The following TOM1 variants were observed in gnomAD, a reference collection of about 807,000 sequenced individuals.
TOM1 encodes target of Myb protein 1.
Under a neutral mutation model 61.3 loss-of-function variants are expected in TOM1, and 38 were observed. The ratio of observed to expected loss-of-function variants is 0.62; its 90% CI spans 0.48 to 0.81. The LOEUF is 0.81. Among genes scored for constraint, TOM1 ranks in the 40% least tolerant of loss-of-function variants. The pLI, the probability that TOM1 is intolerant of heterozygous loss-of-function variation, is 0.00. For missense variants in TOM1, 591 were observed against 659.6 expected, an observed-to-expected ratio of 0.90 and a Z score of 1.14; for synonymous variants, 270 against 268.8, an observed-to-expected ratio of 1.00 and a Z score of -0.04.
Position 35,345,705 on chromosome 22 carries a change from C to T in TOM1, c.1225-20C>T. On this transcript the variant is annotated intron_variant, in intron 12 of 14. Transcript: ENST00000449058. ...CCTTGTCACCTAGGGCACTGCCTTA[C>T]CCTCTGCCCTTCCTTCCAGATCCCA... 1 of 1,613,214 alleles carries T rather than the reference C, an allele frequency of 6.2e-7. No individual in the cohort carries two copies. Among genetic ancestry groups the T allele is most frequent in the Non-Finnish European group, 8.5e-7 (1 of 1,179,200 alleles).
At chr22:35,314,225 C>T (rs1030925668) in intron 1 of TOM1, among the ~76,000 whole-genome samples, 11 of 152,236 alleles carry the variant, frequency 7.2e-5, no homozygotes, top group African/African-American at 2.7e-4. Flanking sequence ...AGATGTCCCA[C>T]AGCCTCCCAA....
At chr22:35,320,896 C>T (rs1311232723) in intron 2 of TOM1, among the ~76,000 whole-genome samples, 2 of 148,662 alleles carry the variant, frequency 1.3e-5, no homozygotes, top group Admixed American at 6.9e-5. Flanking sequence ...GCAGGAGGAT[C>T]ACTTGAGCCC....
intron 1 of TOM1, among the ~76,000 whole-genome samples, chr22:35,314,128 C>G (rs1018606529): frequency 2.6e-5 from 4 of 152,226 alleles, no homozygotes; most frequent in African/African-American, 9.7e-5. Flanking sequence ...AGGAAATCCA[C>G]ATGATTCACC....
chr22:35,317,582 G>C (rs1927404855), intron 1 of TOM1, among the ~76,000 whole-genome samples: 1 of 152,200 alleles, frequency 6.6e-6, no homozygotes, highest in African/African-American at 2.4e-5. Flanking sequence ...TAAGCACACG[G>C]AGGCCCACCT....
At chr22:35,320,290 A>G (rs931750414) in intron 2 of TOM1, among the ~76,000 whole-genome samples, 2 of 152,178 alleles carry the variant, frequency 1.3e-5, no homozygotes, top group African/African-American at 4.8e-5. Context: ...AGGAGCCTTC[A>G]GGGTGCAAGT....
In TOM1 at chr22:35,312,026, G is replaced by C. The variant is rs192897551; in HGVS notation, c.53-5851G>C. ...TCCCAGCACTTTGGGAGGCCGAGGC[G>C]GGTGGATCACAAGGTCAGGAGTTCA... On this transcript the variant is annotated intron_variant, in intron 1 of 14. Coordinates refer to ENST00000449058, the MANE Select transcript of TOM1 (RefSeq NM_005488.3). Among the ~76,000 whole-genome samples, 11 of 152,202 alleles carry C rather than the reference G, an allele frequency of 7.2e-5. No homozygotes were observed. The South Asian group carries it at 1.2e-3, about 17-fold the overall frequency.
At chr22:35,303,643 G>T (rs1488593623) in intron 1 of TOM1, among the ~76,000 whole-genome samples, 1 of 151,610 alleles carries the variant, frequency 6.6e-6, no homozygotes, top group Non-Finnish European at 1.5e-5. Flanking sequence ...GATTAGAGGT[G>T]CACACCACCA....
chr22:35,324,544 G>A (rs2145665510), intron 6 of TOM1, among the ~76,000 whole-genome samples: 1 of 151,942 alleles, frequency 6.6e-6, no homozygotes, highest in African/African-American at 2.4e-5. Flanking sequence ...GTCTCAAGAA[G>A]GTCTGAAGCT....
intron 12 of TOM1, chr22:35,345,451 G>A (rs540472581): frequency 8.1e-5 from 44 of 542,574 alleles, no homozygotes; most frequent in East Asian, 4.3e-4. Flanking sequence ...AGGGTGTGTC[G>A]GAACTGGGGT....
chr22:35,299,766 G>C (rs1925538206), upstream of TOM1: 10 of 751,464 alleles, frequency 1.3e-5, no homozygotes, highest in Non-Finnish European at 2.1e-5. Flanking sequence ...CCTCGGGGGC[G>C]GGACCCTGGC....
upstream of TOM1, chr22:35,299,799 C>T (rs534260501): frequency 1.2e-5 from 13 of 1,050,900 alleles, no homozygotes; most frequent in Non-Finnish European, 1.8e-5. Flanking sequence ...GGCTTGTGGT[C>T]GAGCTTCGCG....
At chr22:35,302,088 G>C (rs935501966) in intron 1 of TOM1, among the ~76,000 whole-genome samples, 7 of 152,112 alleles carry the variant, frequency 4.6e-5, no homozygotes, top group Admixed American at 3.3e-4. Context: ...CCTTTCTTGG[G>C]CAAGAAATAC....
intron 1 of TOM1, among the ~76,000 whole-genome samples, chr22:35,305,658 CAA>C (rs137868113): frequency 0.56 from 72,416 of 130,306 alleles, 20,649 homozygotes; most frequent in Non-Finnish European, 0.67. Flanking sequence ...GACTCAATCT[CAA>C]AAAAAAAAAA....
At chr22:35,314,301 T>A (rs1160298150) in intron 1 of TOM1, among the ~76,000 whole-genome samples, 1 of 152,032 alleles carries the variant, frequency 6.6e-6, no homozygotes, top group East Asian at 1.9e-4. Flanking sequence ...CTCCTCTTCC[T>A]CTCCCCTTTC....
At chr22:35,345,498 T>G (rs1930428243) in intron 12 of TOM1, 1 of 595,454 alleles carries the variant, frequency 1.7e-6, no homozygotes, top group Admixed American at 2.9e-5. Context: ...CTCTGACCCC[T>G]GGCCCTGCTC....
At chr22:35,314,808 C>T (rs571116633) in intron 1 of TOM1, among the ~76,000 whole-genome samples, 1 of 152,238 alleles carries the variant, frequency 6.6e-6, no homozygotes, top group Non-Finnish European at 1.5e-5. Flanking sequence ...TGCGCCACAG[C>T]GTCAGCGGCT....
At chr22:35,332,628 T>C (rs893750894) in intron 8 of TOM1, among the ~76,000 whole-genome samples, 1 of 152,092 alleles carries the variant, frequency 6.6e-6, no homozygotes, top group Non-Finnish European at 1.5e-5. Flanking sequence ...AAATATGTAA[T>C]TGAAACAAGT....
At chr22:35,333,335 A>C in intron 9 of TOM1, 69 bp from the exon 10 acceptor site, 1 of 1,434,374 alleles carries the variant, frequency 7.0e-7, no homozygotes, top group Non-Finnish European at 9.8e-7. Flanking sequence ...TGCAAGCCAC[A>C]GTGCTTGGGG....
At chr22:35,308,214 C>CTGTGTG (rs147639234) in intron 1 of TOM1, among the ~76,000 whole-genome samples, 1 of 151,116 alleles carries the variant, frequency 6.6e-6, no homozygotes, top group Non-Finnish European at 1.5e-5. Flanking sequence ...GCTCTTTCTC[C>CTGTGTG]TGTGTGTGTG....
Sources: allele counts gnomAD v4.1 joint callset (sites outside exome capture counted in the v4.1 genomes callset), GRCh38; gene constraint gnomAD v4.1.1; transcripts MANE v1.5; gene names NCBI Gene and HGNC (gene_info 2026-07-23, HGNC 2026-07-21).